Variants in OSBPL5 observed in about 807,000 individuals in gnomAD.
The protein encoded by OSBPL5 is oxysterol-binding protein-related protein 5.
In OSBPL5, 71 loss-of-function variants were observed where a neutral mutation model predicts 111.2. The observed-to-expected ratio is 0.64, with a 90% CI of 0.53 to 0.78. OSBPL5 has a LOEUF of 0.78. OSBPL5 is among the 30% of genes least tolerant of loss of function. The pLI is 0.00. For synonymous variants in OSBPL5, 549 were observed against 513.9 expected (o/e 1.07, Z -0.93); for missense variants, 1,210 against 1,189.3 (o/e 1.02, Z -0.26).
intron 1 of OSBPL5, among the ~76,000 whole-genome samples, chr11:3,132,707 G>A (rs112066908): frequency 0.012 from 1,817 of 152,236 alleles, 29 homozygotes; most frequent in Admixed American, 0.048. Context: ...GTCACTTCCC[G>A]GAGGCTTGGC....
intron 1 of OSBPL5, among the ~76,000 whole-genome samples, chr11:3,160,385 C>G (rs1010096071): frequency 6.6e-6 from 1 of 152,206 alleles, no homozygotes; most frequent in Non-Finnish European, 1.5e-5. Flanking sequence ...CGGGCAGGAG[C>G]GGGACGCACT....
chr11:3,094,399 G>A, intron 14 of OSBPL5, 65 bp from the exon 15 acceptor site: 2 of 1,332,604 alleles, frequency 1.5e-6, no homozygotes, highest in Non-Finnish European at 1.1e-6. Context: ...GCCCTGCTGA[G>A]TACCGACCCA....
chr11:3,101,694 G>T lies in OSBPL5; in HGVS notation c.1431C>A (p.Ser477=). 1 of 1,613,292 alleles carries T rather than the reference G, an allele frequency of 6.2e-7. No individual in the cohort carries two copies. Reference sequence around the variant, plus strand: ...GGAAGGCAGACACGGGCGGGTGGTGGGACACCTGCGTGCAGGGAGGCGGCT... The same window carrying T: ...GGAAGGCAGACACGGGCGGGTGGTGTGACACCTGCGTGCAGGGAGGCGGCT... ...SRTFYIAEQV[S]HHPPVSAFHV... The change falls in exon 13 of 22, where the codon TCC becomes TCA. Residue 477 remains serine, a synonymous_variant. Transcript: ENST00000263650.
At chr11:3,128,959 C>T in intron 2 of OSBPL5, 54 bp downstream of exon 2, 1 of 1,420,794 alleles carries the variant, frequency 7.0e-7, no homozygotes. Flanking sequence ...CCCGGGGTCA[C>T]CCCACCGGGC....
At chr11:3,153,107 G>C (rs912709481) in intron 1 of OSBPL5, among the ~76,000 whole-genome samples, 1 of 152,024 alleles carries the variant, frequency 6.6e-6, no homozygotes, top group Non-Finnish European at 1.5e-5. Context: ...CGGCTACGAG[G>C]TGAGCTGCTT....
At chr11:3,143,373 A>T (rs1263449700) in intron 1 of OSBPL5, among the ~76,000 whole-genome samples, 1 of 152,098 alleles carries the variant, frequency 6.6e-6, no homozygotes, top group South Asian at 2.1e-4. Context: ...CAAGAGAAAC[A>T]AGCACACGCC....
intron 1 of OSBPL5, among the ~76,000 whole-genome samples, chr11:3,131,527 TCATCCATCCATC>T (rs202208643): frequency 1.7e-5 from 2 of 117,508 alleles, no homozygotes; most frequent in South Asian, 2.9e-4. Context: ...ATCCACCCAT[TCATCCATCCATC>T]CATCCATCCA....
rs1846150289 is a variant in OSBPL5, at chr11:3,142,331, A to C, written c.-21-13162T>G. Among the ~76,000 whole-genome samples the C allele has an allele frequency of 6.6e-6, 1 of 152,144 alleles. No individual in the cohort carries two copies. Among genetic ancestry groups the C allele is most frequent in the Non-Finnish European group, 1.5e-5 (1 of 68,012 alleles). ...CACCCCAAAGTCCACGGGGCTGCCCACAGCTGGGGGAGTGCAATGCCCAGA... is the reference window on the plus strand; with the variant it reads ...CACCCCAAAGTCCACGGGGCTGCCCCCAGCTGGGGGAGTGCAATGCCCAGA... On this transcript the variant is annotated intron_variant, in intron 1 of 21. Transcript: ENST00000263650. The surrounding 1 kb of genome is among the most constrained non-coding windows in gnomAD (Gnocchi z 7.1).
At chr11:3,097,544 C>T (rs1237631626) in intron 14 of OSBPL5, among the ~76,000 whole-genome samples, 1 of 152,248 alleles carries the variant, frequency 6.6e-6, no homozygotes, top group African/African-American at 2.4e-5. Flanking sequence ...CAAACAAACA[C>T]AAAACTAGCA....
rs1857863775 is a variant in OSBPL5, at chr11:3,110,097, G to A, written c.692-2152C>T. On this transcript the variant is annotated intron_variant, in intron 7 of 21. Transcript: ENST00000263650. This position sits in a 1 kb window ranked among gnomAD's most constrained non-coding sequence, Gnocchi z 5.3. ...TAGTGGGGCACTCAGGATGGCCCAG[G>A]AAGGAGCATGGATGTGGCATCTGAC... Among the ~76,000 whole-genome samples the A allele has an allele frequency of 1.3e-5, 2 of 152,192 alleles. No individual in the cohort carries two copies. Among genetic ancestry groups the A allele is most frequent in the African/African-American group, 4.8e-5 (2 of 41,436 alleles).
At position 3,141,650 on chromosome 11, in the gene OSBPL5, G is replaced by A. The variant is rs117859230; in HGVS notation, c.-21-12481C>T. 1.3e-5 allele frequency among the ~76,000 whole-genome samples: 2 copies of A among 152,268 alleles called. No individual in the cohort carries two copies. The highest frequency in any genetic ancestry group is 1.9e-4 in the East Asian group (1 of 5,180). ...GAACCCTTCTATGAACGGAAAGCTCGCACCTCGCTCAATGCATTGCCAAGT... is the reference window on the plus strand; with the variant it reads ...GAACCCTTCTATGAACGGAAAGCTCACACCTCGCTCAATGCATTGCCAAGT... On this transcript the variant is annotated intron_variant, in intron 1 of 21. Transcript: ENST00000263650. The surrounding 1 kb of genome is among the most constrained non-coding windows in gnomAD (Gnocchi z 6.5).
rs1564818675 is a variant in OSBPL5 at position 3,089,830 on chromosome 11, CCT to C, written c.2501+14_2501+15del. 2.6e-6 allele frequency: 4 copies of C among 1,552,058 alleles called. No individual in the cohort carries two copies. The highest frequency in any genetic ancestry group is 3.5e-6 in the Non-Finnish European group (4 of 1,147,558). The stretch of plus-strand genomic sequence containing the variant: ...TCTGACCCGGAGTCTGGATGGACAC[CCT>C]GAGTGTGGCCCACCTGTGCAGCTCC... On this transcript the variant is annotated intron_variant, in intron 21 of 21. Transcript: ENST00000263650.
chr11:3,157,246 G>A (rs1009251967), intron 1 of OSBPL5, among the ~76,000 whole-genome samples: 4 of 152,196 alleles, frequency 2.6e-5, no homozygotes, highest in African/African-American at 9.6e-5. Flanking sequence ...TGGGCCTTGC[G>A]GGGCCCAGAT....
At chr11:3,138,665 T>TGG (rs1846019689) in intron 1 of OSBPL5, among the ~76,000 whole-genome samples, 1 of 152,148 alleles carries the variant, frequency 6.6e-6, no homozygotes, top group Non-Finnish European at 1.5e-5. Context: ...CAGGCACACC[T>TGG]GGGGCCTCTT....
chr11:3,127,635 C>A (rs575277111), intron 2 of OSBPL5, among the ~76,000 whole-genome samples: 3 of 152,218 alleles, frequency 2.0e-5, no homozygotes, highest in Admixed American at 2.0e-4. Flanking sequence ...CTAGCAGGAG[C>A]GCTCTTCCCT....
chr11:3,133,401 C>T (rs1374695724), intron 1 of OSBPL5, among the ~76,000 whole-genome samples: 1 of 152,248 alleles, frequency 6.6e-6, no homozygotes, highest in African/African-American at 2.4e-5. Flanking sequence ...TGCAAAAGGC[C>T]TGTTATCGCC....
In OSBPL5 at chr11:3,162,052, A is replaced by G. The variant is rs1423093031; in HGVS notation, c.-22+3164T>C. On this transcript the variant is annotated intron_variant, in intron 1 of 21. Coordinates refer to ENST00000263650, the MANE Select transcript of OSBPL5 (RefSeq NM_020896.4). This position sits in a 1 kb window ranked among gnomAD's most constrained non-coding sequence, Gnocchi z 8.1. ...GGCATCTAGGGCCTGTGGGGTCTGG[A>G]AAGGGGTCAGGACTTACTGAGACCC... Among the ~76,000 whole-genome samples, 1 of 152,058 alleles carries G rather than the reference A, an allele frequency of 6.6e-6. No homozygotes were observed. Among genetic ancestry groups the G allele is most frequent in the Admixed American group, 6.6e-5 (1 of 15,262 alleles).
chr11:3,096,533 C>T (rs775536274), intron 14 of OSBPL5, among the ~76,000 whole-genome samples: 5 of 150,564 alleles, frequency 3.3e-5, no homozygotes, highest in African/African-American at 1.2e-4. Flanking sequence ...GCAGGAGAAT[C>T]GTTTGAACTC....
rs758909570 is a variant in OSBPL5 at position 3,092,137 on chromosome 11, T to TGGATCA, written c.2259+294_2259+295insTGATCC. 2.0e-5 allele frequency among the ~76,000 whole-genome samples: 3 copies of TGGATCA among 149,958 alleles called. No homozygotes were observed. The highest frequency in any genetic ancestry group is 4.9e-5 in the African/African-American group (2 of 40,538). ...CCCTGACCTTCTGTTTCCTGATCAG[T>TGGATCA]GGAATGGGATAATGTGGCTGCTAAC... On this transcript the variant is annotated intron_variant, in intron 19 of 21. Coordinates refer to ENST00000263650, the MANE Select transcript of OSBPL5 (RefSeq NM_020896.4). This position sits in a 1 kb window ranked among gnomAD's most constrained non-coding sequence, Gnocchi z 5.4.
Sources: gnomAD v4.1 joint callset for allele counts (sites outside exome capture counted in the v4.1 genomes callset) on GRCh38, gnomAD v4.1.1 for gene constraint, Gnocchi (gnomAD v3.1) non-coding constraint, MANE v1.5 for transcripts, NCBI Gene and HGNC (gene_info 2026-07-23, HGNC 2026-07-21) for gene names.